Variants in TNIK observed in about 807,000 individuals in gnomAD.
TNIK encodes the protein TRAF2 and NCK interacting kinase.
Under a neutral mutation model 191.3 loss-of-function variants are expected in TNIK, and 49 were observed. The ratio of observed to expected loss-of-function variants is 0.26; its 90% confidence interval spans 0.20 to 0.32. The LOEUF is 0.32. TNIK is among the 10% of genes least tolerant of loss of function. The pLI, the probability that TNIK is intolerant of heterozygous loss-of-function variation, is 1.00. For synonymous variants in TNIK, 594 were observed against 600.9 expected (o/e 0.99, Z 0.17); for missense variants, 1,155 against 1,702.3 (o/e 0.68, Z 5.66).
chr3:171,412,048 G>C (rs1289354155), intron 1 of TNIK, among the ~76,000 whole-genome samples: 1 of 152,182 alleles, frequency 6.6e-6, no homozygotes, highest in African/African-American at 2.4e-5. Context: ...GGGGCTTCTT[G>C]AGAAACTTCA....
intron 1 of TNIK, among the ~76,000 whole-genome samples, chr3:171,410,324 C>T (rs752587404): frequency 3.3e-5 from 5 of 152,236 alleles, no homozygotes; most frequent in Non-Finnish European, 5.9e-5. Context: ...TTTTCACTCA[C>T]ATGTCTGGCA....
chr3:171,138,294 G>A lies in TNIK; in HGVS notation c.1505C>T (p.Ser502Phe). ...QLKQERDYLV[S>F]LQHQRQEQRP... ...CTGCTCCTGCCGCTGATGCTGAAGGGAAACTAAGTAGTCTCTTTCTTGCTT... is the reference window on the plus strand; with the variant it reads ...CTGCTCCTGCCGCTGATGCTGAAGGAAAACTAAGTAGTCTCTTTCTTGCTT... The change falls in exon 15 of 33, where the codon TCC becomes TTC. Residue 502 changes from serine (S) to phenylalanine (F), a missense_variant. Ser to Phe is a radical substitution (Grantham distance 155). Coordinates refer to ENST00000436636, the MANE Select transcript of TNIK (RefSeq NM_015028.4). 2.5e-6 allele frequency: 4 copies of A among 1,613,482 alleles called. No individual in the cohort carries two copies. Among genetic ancestry groups the A allele is most frequent in the Non-Finnish European group, 3.4e-6 (4 of 1,179,760 alleles).
At chr3:171,318,362 C>A (rs892343936) in intron 2 of TNIK, among the ~76,000 whole-genome samples, 1 of 152,180 alleles carries the variant, frequency 6.6e-6, no homozygotes, top group East Asian at 1.9e-4. Flanking sequence ...TCCAAGTAAT[C>A]ATTTTCCAAA....
chr3:171,377,419 C>A (rs1029469048), intron 1 of TNIK, among the ~76,000 whole-genome samples: 3 of 152,218 alleles, frequency 2.0e-5, no homozygotes, highest in Admixed American at 6.5e-5. Context: ...GCAGCTCCAG[C>A]CTGTCCTCAC....
intron 1 of TNIK, among the ~76,000 whole-genome samples, chr3:171,377,825 A>C (rs527953569): frequency 1.3e-5 from 2 of 152,376 alleles, no homozygotes; most frequent in East Asian, 3.9e-4. Context: ...CTACAGACAT[A>C]CTGCTCTTGC....
At chr3:171,119,205 C>A (rs1727268802) in intron 18 of TNIK, among the ~76,000 whole-genome samples, 1 of 152,214 alleles carries the variant, frequency 6.6e-6, no homozygotes, top group Admixed American at 6.5e-5. Context: ...ATCATCATCA[C>A]TGGCCATCAG....
chr3:171,131,823 C>T (rs987357196), intron 15 of TNIK, among the ~76,000 whole-genome samples: 69 of 152,278 alleles, frequency 4.5e-4, no homozygotes, highest in African/African-American at 1.6e-3. Flanking sequence ...CCTAATAATA[C>T]CTTCAGATGG....
At position 171,369,635 on chromosome 3, in the gene TNIK, G is replaced by A. The variant is rs771322140; in HGVS notation, c.108C>T (p.Tyr36=). 1.1e-5 allele frequency: 17 copies of A among 1,576,986 alleles called. No individual in the cohort carries two copies. Among genetic ancestry groups the A allele is most frequent in the African/African-American group, 5.4e-5 (4 of 74,110 alleles). ...ATGTACTTACCTTATAAACTTGCCC[G>A]TATGTTCCATTTCCAACAAGTTCCA... ...ELVELVGNGT[Y]GQVYKGRHVK... is the part of the protein sequence containing the mutation. The change falls in exon 2 of 33, where the codon TAC becomes TAT. Residue 36 remains tyrosine, a synonymous_variant. Coordinates refer to ENST00000436636, the MANE Select transcript of TNIK (RefSeq NM_015028.4).
At chr3:171,161,849 G>A (rs893414390) in intron 10 of TNIK, among the ~76,000 whole-genome samples, 1 of 152,102 alleles carries the variant, frequency 6.6e-6, no homozygotes, top group Non-Finnish European at 1.5e-5. Flanking sequence ...AAACCCAGGA[G>A]GGGGAGCTTG....
At chr3:171,333,511 TTGCAGC>T (rs1315716883) in intron 2 of TNIK, among the ~76,000 whole-genome samples, 5 of 149,378 alleles carry the variant, frequency 3.3e-5, no homozygotes, top group African/African-American at 1.2e-4. Context: ...GAGGCAGAGG[TTGCAGC>T]GAGCCAAGAT....
intron 1 of TNIK, among the ~76,000 whole-genome samples, chr3:171,384,875 G>T (rs897600813): frequency 1.3e-5 from 2 of 152,130 alleles, no homozygotes; most frequent in African/African-American, 2.4e-5. Context: ...TTTAGCCTTT[G>T]GTGTCTTTTC....
intron 2 of TNIK, among the ~76,000 whole-genome samples, chr3:171,284,121 G>C (rs929815076): frequency 4.0e-4 from 61 of 152,114 alleles, no homozygotes; most frequent in African/African-American, 1.3e-3. Flanking sequence ...ACTCTGGAGG[G>C]GGGCGGCAGG....
At chr3:171,318,298 C>T (rs543401465) in intron 2 of TNIK, among the ~76,000 whole-genome samples, 6 of 152,094 alleles carry the variant, frequency 3.9e-5, no homozygotes, top group South Asian at 2.1e-4. Context: ...AAAACACAGG[C>T]GTAACATAAT....
chr3:171,138,066 G>T, intron 15 of TNIK, 125 bp downstream of exon 15: 1 of 831,118 alleles, frequency 1.2e-6, no homozygotes, highest in Non-Finnish European at 1.6e-6. Flanking sequence ...CAAAAGCAAA[G>T]CATGTGTCTT....
rs1316424388 is a variant in TNIK, at chr3:171,159,857, G to A, written c.1016+1413C>T. On this transcript the variant is annotated intron_variant, in intron 11 of 32. Transcript: ENST00000436636. This position sits in a 1 kb window ranked among gnomAD's most constrained non-coding sequence, Gnocchi z 4.1. ...TATAATAACAACAACAACAGGACTT[G>A]GAACATAATCTTCAGCATGATATAA... is the stretch of plus-strand genomic sequence containing the variant. 6.6e-6 allele frequency among the ~76,000 whole-genome samples: 1 copy of A among 152,222 alleles called. No homozygotes were observed. The highest frequency in any genetic ancestry group is 1.9e-4 in the East Asian group (1 of 5,198).
At chr3:171,171,973 C>T (rs552853395) in intron 9 of TNIK, among the ~76,000 whole-genome samples, 43 of 152,160 alleles carry the variant, frequency 2.8e-4, no homozygotes, top group South Asian at 1.7e-3. Context: ...TCAGTGGTGC[C>T]CTAACTTCAT....
intron 2 of TNIK, among the ~76,000 whole-genome samples, chr3:171,260,482 A>G (rs954078185): frequency 2.0e-5 from 3 of 152,168 alleles, no homozygotes; most frequent in African/African-American, 7.2e-5. Context: ...ATTTTAATGA[A>G]AGCATTAATT....
At chr3:171,290,434 T>TGAGAAAAA (rs1751555770) in intron 2 of TNIK, among the ~76,000 whole-genome samples, 1 of 152,200 alleles carries the variant, frequency 6.6e-6, no homozygotes, top group East Asian at 1.9e-4. Flanking sequence ...ATTGACTCTA[T>TGAGAAAAA]TTTGAGTATT....
rs1733686078 is a variant in TNIK at position 171,159,436 on chromosome 3, G to C, written c.1017-1772C>G. ...GCTGTGTGAGATACTGCCATGAAAA[G>C]ACATAAAAAGGCTTTGTTCGTGATG... On this transcript the variant is annotated intron_variant, in intron 11 of 32. Transcript: ENST00000436636. This position sits in a 1 kb window ranked among gnomAD's most constrained non-coding sequence, Gnocchi z 4.1. Among the ~76,000 whole-genome samples, 1 of 152,114 alleles carries C rather than the reference G, an allele frequency of 6.6e-6. No homozygotes were observed. The highest frequency in any genetic ancestry group is 6.5e-5 in the Admixed American group (1 of 15,268).
Sources: allele counts gnomAD v4.1 joint callset (sites outside exome capture counted in the v4.1 genomes callset), GRCh38; gene constraint gnomAD v4.1.1; non-coding constraint Gnocchi (gnomAD v3.1); transcripts MANE v1.5; gene names NCBI Gene and HGNC (gene_info 2026-07-23, HGNC 2026-07-21).